MBOAT2: variants seen among roughly 807,000 people sequenced by gnomAD.
MBOAT2 encodes the protein membrane bound glycerophospholipid O-acyltransferase 2.
MBOAT2 carries 28 observed loss-of-function variants against 63.4 expected under a neutral mutation model. The ratio of observed to expected loss-of-function variants is 0.44; its 90% CI spans 0.33 to 0.61. MBOAT2 has a LOEUF of 0.61. Ranked by LOEUF, MBOAT2 falls within the 20% of genes least tolerant of loss-of-function variation. MBOAT2 has a pLI of 0.03. For synonymous variants in MBOAT2, 211 were observed against 215.6 expected, an observed-to-expected ratio of 0.98 and a Z score of 0.19; for missense variants, 470 against 605.8, an observed-to-expected ratio of 0.78 and a Z score of 2.35.
intron 1 of MBOAT2, among the ~76,000 whole-genome samples, chr2:8,999,088 T>G (rs977488437): frequency 6.6e-6 from 1 of 152,202 alleles, no homozygotes; most frequent in African/African-American, 2.4e-5. Flanking sequence ...CCATTCCTCC[T>G]TCCCCTTCCC....
chr2:9,000,254 G>C (rs1343681545), intron 1 of MBOAT2, among the ~76,000 whole-genome samples: 1 of 151,982 alleles, frequency 6.6e-6, no homozygotes, highest in Non-Finnish European at 1.5e-5. Context: ...TTCCTGATTT[G>C]TCTTTTTCCT....
chr2:8,890,257 C>T (rs1248453635), intron 4 of MBOAT2, among the ~76,000 whole-genome samples: 3 of 152,206 alleles, frequency 2.0e-5, no homozygotes, highest in Non-Finnish European at 2.9e-5. Context: ...CACTGGACAA[C>T]TCTATCTCAA....
chr2:8,964,154 C>G (rs568944738), intron 1 of MBOAT2, among the ~76,000 whole-genome samples: 1 of 152,226 alleles, frequency 6.6e-6, no homozygotes, highest in Non-Finnish European at 1.5e-5. Flanking sequence ...CCTCCTCTGG[C>G]CCTATTCCTT....
intron 12 of MBOAT2, among the ~76,000 whole-genome samples, chr2:8,860,013 A>G (rs1288248145): frequency 1.3e-5 from 2 of 151,932 alleles, no homozygotes; most frequent in Non-Finnish European, 2.9e-5. Flanking sequence ...GTGAAACCCC[A>G]TCTCTACTAA....
At chr2:8,872,354 T>C (rs1662389717) in intron 8 of MBOAT2, among the ~76,000 whole-genome samples, 1 of 152,192 alleles carries the variant, frequency 6.6e-6, no homozygotes, top group African/African-American at 2.4e-5. Flanking sequence ...CATAGCTCAT[T>C]GCAGCCACAA....
chr2:8,938,538 G>A (rs1329757363), intron 3 of MBOAT2, among the ~76,000 whole-genome samples: 3 of 149,928 alleles, frequency 2.0e-5, no homozygotes. Context: ...ATGCCGCCAC[G>A]TTTCATGCCG....
chr2:8,989,550 A>G (rs1003732747), intron 1 of MBOAT2, among the ~76,000 whole-genome samples: 2 of 152,218 alleles, frequency 1.3e-5, no homozygotes, highest in South Asian at 2.1e-4. Flanking sequence ...ATGTTCAATC[A>G]TGAGCCCATG....
chr2:8,990,638 A>C (rs1671862230), intron 1 of MBOAT2, among the ~76,000 whole-genome samples: 1 of 152,154 alleles, frequency 6.6e-6, no homozygotes, highest in Non-Finnish European at 1.5e-5. Context: ...TATTTCTTAC[A>C]CCTTAAAAAG....
chr2:8,979,627 A>G, intron 1 of MBOAT2, among the ~76,000 whole-genome samples: 1 of 152,096 alleles, frequency 6.6e-6, no homozygotes, highest in East Asian at 1.9e-4. Flanking sequence ...ATTATTCCAA[A>G]TTTAGGGGGT....
At chr2:8,964,554 T>C (rs1669854189) in intron 1 of MBOAT2, among the ~76,000 whole-genome samples, 1 of 151,434 alleles carries the variant, frequency 6.6e-6, no homozygotes, top group East Asian at 1.9e-4. Flanking sequence ...TAATATTACA[T>C]TGCTGACATT....
intron 1 of MBOAT2, among the ~76,000 whole-genome samples, chr2:8,999,099 C>G (rs1369133219): frequency 6.6e-6 from 1 of 152,176 alleles, no homozygotes; most frequent in Non-Finnish European, 1.5e-5. Flanking sequence ...TCCCCTTCCC[C>G]GTCCAAACCT....
At chr2:8,933,722 C>T (rs1202461036) in intron 3 of MBOAT2, among the ~76,000 whole-genome samples, 1 of 152,088 alleles carries the variant, frequency 6.6e-6, no homozygotes, top group African/African-American at 2.4e-5. Context: ...TGGCAGAGCC[C>T]CATTCTATGA....
chr2:8,916,228 G>T (rs1390676529), intron 3 of MBOAT2, among the ~76,000 whole-genome samples: 2 of 152,188 alleles, frequency 1.3e-5, no homozygotes, highest in Non-Finnish European at 2.9e-5. Flanking sequence ...GCCTTGTCTC[G>T]TGACTTCCAG....
At chr2:8,990,559 T>C (rs888892036) in intron 1 of MBOAT2, among the ~76,000 whole-genome samples, 1 of 152,172 alleles carries the variant, frequency 6.6e-6, no homozygotes, top group Admixed American at 6.5e-5. Flanking sequence ...TAGATCACTT[T>C]ATAATCCTAT....
At chr2:8,894,636 G>A (rs921276259) in intron 4 of MBOAT2, among the ~76,000 whole-genome samples, 1 of 152,214 alleles carries the variant, frequency 6.6e-6, no homozygotes, top group African/African-American at 2.4e-5. Context: ...GCACACCTGT[G>A]GCTATCAGAT....
chr2:8,896,846 T>C (rs1664515503), intron 4 of MBOAT2, among the ~76,000 whole-genome samples: 1 of 152,240 alleles, frequency 6.6e-6, no homozygotes, highest in Admixed American at 6.5e-5. Context: ...CTATCTCCTG[T>C]CCTGAAGGGA....
chr2:8,977,394 T>G, intron 1 of MBOAT2, among the ~76,000 whole-genome samples: 1 of 152,164 alleles, frequency 6.6e-6, no homozygotes. Flanking sequence ...CTGAAATGTC[T>G]GTATTTCTTC....
Position 8,856,815 on chromosome 2 carries a change from A to G in MBOAT2, c.*1864T>C, listed in dbSNP as rs1661121037. ...AGTGATCCGCCCACCTCGGCCTCCC[A>G]AAGTGCTAGGATTACAGGTGTGAGC... On this transcript the variant is annotated 3_prime_UTR_variant, in exon 13 of 13. Transcript: ENST00000305997. This position sits in a 1 kb window ranked among gnomAD's most constrained non-coding sequence, Gnocchi z 4.2. 1 of 152,214 alleles carries G rather than the reference A, an allele frequency of 6.6e-6. No individual in the cohort carries two copies. The highest frequency in any genetic ancestry group is 1.5e-5 in the Non-Finnish European group (1 of 68,066). 9.4% of individuals were successfully genotyped at this position (152,214 alleles called of 1,614,324 possible).
intron 1 of MBOAT2, among the ~76,000 whole-genome samples, chr2:8,998,814 CA>C (rs1272126025): frequency 6.6e-6 from 1 of 152,032 alleles, no homozygotes; most frequent in African/African-American, 2.4e-5. Flanking sequence ...TGATCTAAAA[CA>C]ATGATCTACC....
Sources: allele counts gnomAD v4.1 joint callset (sites outside exome capture counted in the v4.1 genomes callset), GRCh38; gene constraint gnomAD v4.1.1; non-coding constraint Gnocchi (gnomAD v3.1); transcripts MANE v1.5; gene names NCBI Gene and HGNC (gene_info 2026-07-23, HGNC 2026-07-21).